The following PPP1CC variants were observed in gnomAD, a reference collection of about 807,000 sequenced individuals.
The protein encoded by PPP1CC is protein phosphatase 1 catalytic subunit gamma.
A neutral mutation model predicts 38.4 loss-of-function variants in PPP1CC; 16 were observed. The ratio of observed to expected loss-of-function variants is 0.42; its 90% CI spans 0.28 to 0.63. The LOEUF (loss-of-function observed/expected upper bound fraction) is 0.63, where lower values mean the gene tolerates loss of function less well. PPP1CC is among the 30% of genes least tolerant of loss of function. PPP1CC has a pLI of 0.25. For synonymous variants in PPP1CC, 158 were observed against 136.0 expected (o/e 1.16, Z -1.13); for missense variants, 170 against 391.3 (o/e 0.43, Z 4.77).
downstream of PPP1CC, among the ~76,000 whole-genome samples, chr12:110,715,474 CCAT>C (rs1233352347): frequency 6.6e-6 from 1 of 151,936 alleles, no homozygotes; most frequent in Non-Finnish European, 1.5e-5. Flanking sequence ...ATGTGCACCA[CCAT>C]GCCTGGCTAA....
At chr12:110,732,156 T>C (rs1318733383) in intron 1 of PPP1CC, 1 of 546,112 alleles carries the variant, frequency 1.8e-6, no homozygotes, top group East Asian at 2.9e-5. Context: ...GTGCGAATGC[T>C]GTTAGAAACA....
chr12:110,730,923 T>C (rs528247907), intron 2 of PPP1CC, among the ~76,000 whole-genome samples, 164 bp from the exon 3 acceptor site: 15 of 152,364 alleles, frequency 9.8e-5, no homozygotes, highest in Admixed American at 2.0e-4. Context: ...CAATCTTATA[T>C]CATATTTAGT....
intron 1 of PPP1CC, 91 bp from the exon 2 acceptor site, chr12:110,731,992 T>TAGCTTTCTG (rs773151131): frequency 7.0e-7 from 1 of 1,424,884 alleles, no homozygotes; most frequent in African/African-American, 1.4e-5. Context: ...ATGGTTTAAC[T>TAGCTTTCTG]AGCTTTCTGA....
intron 1 of PPP1CC, among the ~76,000 whole-genome samples, chr12:110,737,941 C>T (rs1255577414): frequency 6.6e-6 from 1 of 152,024 alleles, no homozygotes; most frequent in East Asian, 1.9e-4. Context: ...AAAAGTGACA[C>T]CATTTTTTTC....
At position 110,721,136 on chromosome 12, in the gene PPP1CC, T is replaced by C. The variant is rs1193395064; in HGVS notation, c.912A>G (p.Pro304=). 3 of 1,613,942 alleles carry C rather than the reference T, an allele frequency of 1.9e-6. No individual in the cohort carries two copies. Among genetic ancestry groups the C allele is most frequent in the Admixed American group, 3.3e-5 (2 of 60,012 alleles). Residue 304 remains proline (P), a synonymous_variant, in exon 7 of 7, where the codon CCA becomes CCG. Transcript: ENST00000335007. ...QILKPAEKKK[P]NATRPVTPPR... is the part of the protein sequence containing the mutation. The stretch of plus-strand genomic sequence containing the variant: ...GAGGCGTTACAGGTCTCGTGGCATT[T>C]GGCTTCTTTTTCTCTGCAGGCTTTA...
intron 1 of PPP1CC, chr12:110,732,149 C>T (rs184543458): frequency 1.3e-4 from 71 of 551,470 alleles, no homozygotes; most frequent in African/African-American, 1.2e-3. Flanking sequence ...CCTGTCTGTG[C>T]GAATGCTGTT....
At chr12:110,733,528 A>T (rs900923365) in intron 1 of PPP1CC, among the ~76,000 whole-genome samples, 1 of 152,050 alleles carries the variant, frequency 6.6e-6, no homozygotes, top group Non-Finnish European at 1.5e-5. Context: ...AACATAGTTT[A>T]TATTTGTTTT....
intron 1 of PPP1CC, among the ~76,000 whole-genome samples, chr12:110,738,466 C>T (rs2069973744): frequency 6.6e-6 from 1 of 152,320 alleles, no homozygotes; most frequent in South Asian, 2.1e-4. Flanking sequence ...GTGAAGTCCA[C>T]ATAACATCAA....
chr12:110,731,314 A>G (rs953857586), intron 2 of PPP1CC, among the ~76,000 whole-genome samples: 7 of 151,948 alleles, frequency 4.6e-5, no homozygotes, highest in South Asian at 2.1e-4. Flanking sequence ...CAAATATGCT[A>G]TAAGAATATA....
At chr12:110,723,422 C>T (rs1456456772) in intron 4 of PPP1CC, among the ~76,000 whole-genome samples, 1 of 152,126 alleles carries the variant, frequency 6.6e-6, no homozygotes, top group Non-Finnish European at 1.5e-5. Flanking sequence ...TCAGACCATA[C>T]AGGAAAAGAA....
intron 3 of PPP1CC, among the ~76,000 whole-genome samples, chr12:110,727,169 T>C (rs566028623): frequency 1.6e-4 from 24 of 152,308 alleles, no homozygotes; most frequent in Admixed American, 9.8e-4. Flanking sequence ...TGTGATCAGG[T>C]TGAACTCCTG....
rs1207336047 is a variant in PPP1CC, at chr12:110,730,704, G to A, written c.243C>T (p.Phe81=). The stretch of plus-strand genomic sequence containing the variant: ...GAAACAGGTAGTTGCTTTCTGGTGG[G>A]AAACCACCGTACTCAAAAAGTCGCA... ...DLLRLFEYGG[F]PPESNYLFLG... The change falls in exon 3 of 7, where the codon TTC becomes TTT. Residue 81 remains phenylalanine (F), a synonymous_variant. Transcript: ENST00000335007. The A allele has an allele frequency of 2.5e-6, 4 of 1,614,060 alleles. No homozygotes were observed. The Admixed American group carries it at 6.7e-5, about 27-fold the overall frequency.
At chr12:110,725,997 G>C (rs988568014) in intron 3 of PPP1CC, 2 of 152,384 alleles carry the variant, frequency 1.3e-5, no homozygotes, top group Admixed American at 6.5e-5. Flanking sequence ...GGGAGGCGGA[G>C]GTTGCGGTGA....
intron 3 of PPP1CC, chr12:110,726,008 G>C (rs1269435384): frequency 6.6e-6 from 1 of 152,526 alleles, no homozygotes; most frequent in African/African-American, 2.4e-5. Context: ...GTTGCGGTGA[G>C]CCTTGATTGT....
chr12:110,721,262 C>T (rs2136537659), intron 6 of PPP1CC, 97 bp from the exon 7 acceptor site: 1 of 976,612 alleles, frequency 1.0e-6, no homozygotes, highest in South Asian at 1.5e-5. Context: ...AGATGGTGTT[C>T]ACAACTGCCC....
chr12:110,717,351 T>C (rs2069695186), downstream of PPP1CC, among the ~76,000 whole-genome samples: 2 of 151,986 alleles, frequency 1.3e-5, no homozygotes, highest in African/African-American at 4.8e-5. Flanking sequence ...TGAGGTTGAG[T>C]TTTGGGTCTT....
At chr12:110,709,535 G>A in the PPP1CC span, among the ~76,000 whole-genome samples, 7 of 149,344 alleles carry the variant, frequency 4.7e-5, no homozygotes, top group Admixed American at 1.3e-4. Context: ...GCCAAAAAAC[G>A]TCAGACCAGA....
downstream of PPP1CC, among the ~76,000 whole-genome samples, chr12:110,718,705 G>A (rs566154142): frequency 2.0e-5 from 3 of 152,208 alleles, no homozygotes; most frequent in South Asian, 2.1e-4. Context: ...AATGTGAGAC[G>A]GCTTCTGCTA....
At chr12:110,712,673 G>A in the PPP1CC span, among the ~76,000 whole-genome samples, 2 of 133,266 alleles carry the variant, frequency 1.5e-5, no homozygotes, top group Non-Finnish European at 3.3e-5. Context: ...AAAAGGGGGG[G>A]CACTGAAATC....
Sources: gnomAD v4.1 joint callset for allele counts (sites outside exome capture counted in the v4.1 genomes callset) on GRCh38, gnomAD v4.1.1 for gene constraint, MANE v1.5 for transcripts, NCBI Gene and HGNC (gene_info 2026-07-23, HGNC 2026-07-21) for gene names.